The following ALPP variants were observed in gnomAD, a reference collection of about 807,000 sequenced individuals.
ALPP encodes the protein alkaline phosphatase, placental, also known as alkaline phosphatase, placental type.
Under a neutral mutation model 50.7 loss-of-function variants are expected in ALPP, and 39 were observed. The ratio of observed to expected loss-of-function variants is 0.77; its 90% CI spans 0.60 to 1.00. The LOEUF is 1.00. Among genes scored for constraint, ALPP ranks in the 50% least tolerant of loss-of-function variants. ALPP has a pLI of 0.00. For missense variants in ALPP, 550 were observed against 746.8 expected, an observed-to-expected ratio of 0.74 and a Z score of 3.07; for synonymous variants, 226 against 320.3, an observed-to-expected ratio of 0.71 and a Z score of 3.14.
rs1696686418 is a variant in ALPP at position 232,380,488 on chromosome 2, C to T, written c.861C>T (p.Leu287=). Residue 287 remains leucine, a synonymous_variant, in exon 7 of 11, where the codon CTC becomes CTT. Coordinates refer to ENST00000392027, the MANE Select transcript of ALPP (RefSeq NM_001632.5). ...QASLDPSVTH[L]MGLFEPGDMK... ...CCCTGGACCCGTCTGTGACCCATCTCATGGGTAATGACCCCCTTCCTGCCC... is the reference window on the plus strand; with the variant it reads ...CCCTGGACCCGTCTGTGACCCATCTTATGGGTAATGACCCCCTTCCTGCCC... 6.2e-7 allele frequency: 1 copy of T among 1,613,868 alleles called. No individual in the cohort carries two copies. The highest frequency in any genetic ancestry group is 8.5e-7 in the Non-Finnish European group (1 of 1,179,992).
At position 232,381,565 on chromosome 2, in the gene ALPP, G is replaced by A; in HGVS notation, c.1378G>A (p.Ala460Thr). ...AGAGACCCACGCAGGCGAGGACGTG[G>A]CGGTGTTCGCGCGCGGCCCGCAGGC... ...DEETHAGEDV[A>T]VFARGPQAHL... Residue 460 changes from alanine to threonine, a missense_variant, in exon 11 of 11, where the codon GCG becomes ACG. By Grantham distance (58) the Ala-to-Thr change is moderately conservative. Around this residue, in one of 5 missense-constraint regions of ALPP, gnomAD observed 155 missense variants for 167.6 expected, o/e 0.92. Transcript: ENST00000392027. 1 of 1,612,936 alleles carries A rather than the reference G, an allele frequency of 6.2e-7. No individual in the cohort carries two copies. Among genetic ancestry groups the A allele is most frequent in the South Asian group, 1.1e-5 (1 of 90,900 alleles).
At position 232,379,521 on chromosome 2, in the gene ALPP, T is replaced by A. The variant is rs770595893; in HGVS notation, c.318T>A (p.Asn106Lys). Residue 106 changes from asparagine (N) to lysine (K), a missense_variant, in exon 4 of 11, where the codon AAT (asparagine) becomes AAA (lysine). Physicochemically the swap from Asn to Lys is moderately conservative, Grantham distance 94. This residue lies in a region of ALPP where 376 missense variants were observed against 388.5 expected (regional missense o/e 0.97). Transcript: ENST00000392027. ...AGTGTCTCTGTCCCCAGACATACAA[T>A]GTAGACAAACATGTGCCAGACAGTG... The part of the protein sequence containing the change: ...FPYVALSKTY[N>K]VDKHVPDSGA... 2 of 1,613,882 alleles carry A rather than the reference T, an allele frequency of 1.2e-6. No individual in the cohort carries two copies. Among genetic ancestry groups the A allele is most frequent in the African/African-American group, 1.3e-5 (1 of 74,886 alleles).
chr2:232,378,883 T>C lies in ALPP; in HGVS notation c.76+5T>C. 6.2e-7 allele frequency: 1 copy of C among 1,613,624 alleles called. No homozygotes were observed. The highest frequency in any genetic ancestry group is 8.5e-7 in the Non-Finnish European group (1 of 1,179,952). Reference sequence around the variant, plus strand: ...TCTCCCTGGGCATCATCCCAGGTAATGAGGCTCCCCGAGCTGCCCCTACAC... The same window carrying C: ...TCTCCCTGGGCATCATCCCAGGTAACGAGGCTCCCCGAGCTGCCCCTACAC... On this transcript the variant is annotated splice_donor_5th_base_variant and intron_variant, in intron 1 of 10. Transcript: ENST00000392027.
chr2:232,381,609 G>A lies in ALPP; in HGVS notation c.1422G>A (p.Val474=), dbSNP rs756405636. ...CGCAGGCGCACCTGGTTCACGGCGT[G>A]CAGGAGCAGACCTTCATAGCGCACG... The part of the protein sequence containing the change: ...RGPQAHLVHG[V]QEQTFIAHVM... The change falls in exon 11 of 11, where the codon GTG becomes GTA. Residue 474 remains valine, a synonymous_variant. Coordinates refer to ENST00000392027, the MANE Select transcript of ALPP (RefSeq NM_001632.5). The A allele has an allele frequency of 5.0e-6, 8 of 1,612,664 alleles. No homozygotes were observed. The Admixed American group carries it at 1.2e-4, about 24-fold the overall frequency.
chr2:232,378,859 C>A lies in ALPP; in HGVS notation c.57C>A (p.Leu19=). ...TGCTGCTGGGCCTGAGGCTACAGCTCTCCCTGGGCATCATCCCAGGTAATG... is the reference window on the plus strand; with the variant it reads ...TGCTGCTGGGCCTGAGGCTACAGCTATCCCTGGGCATCATCCCAGGTAATG... ...LLLLLGLRLQ[L]SLGIIPVEEE... is the part of the protein sequence containing the mutation. Residue 19 remains leucine, a synonymous_variant, in exon 1 of 11, where the codon CTC becomes CTA. Coordinates refer to ENST00000392027, the MANE Select transcript of ALPP (RefSeq NM_001632.5). The A allele has an allele frequency of 1.2e-6, 2 of 1,614,060 alleles. No individual in the cohort carries two copies. The highest frequency in any genetic ancestry group is 2.2e-5 in the South Asian group (2 of 91,060).
rs1291966151 is a variant in ALPP, at chr2:232,381,877, C to A, written c.*82C>A. 1.3e-6 allele frequency: 2 copies of A among 1,488,956 alleles called. No homozygotes were observed. Among genetic ancestry groups the A allele is most frequent in the East Asian group, 4.9e-5 (2 of 40,706 alleles). The allele number at this position is 1,488,956 out of a possible 1,614,324, so 92.2% of individuals were successfully genotyped here. ...TCCTGTCGTCCTGCCTGGCCTCCAG[C>A]CCGAGTCGTCATCCCCGGAGTCCCT... On this transcript the variant is annotated 3_prime_UTR_variant, in exon 11 of 11. Transcript: ENST00000392027.
chr2:232,380,526 G>A, intron 7 of ALPP, 34 bp downstream of exon 7: 1 of 1,613,996 alleles, frequency 6.2e-7, no homozygotes, highest in Admixed American at 1.7e-5. Context: ...GCATCCCTCA[G>A]ATGGCCTCAG....
In ALPP at chr2:232,380,316, G is replaced by C. The variant is rs2853378; in HGVS notation, c.788G>C (p.Arg263Pro). ...CTGGTGCAGGAATGGCTGGCGAAGC[G>C]CCAGGTGATGGGGGCTGGCGGGTGC... ...KNLVQEWLAK[R>P]QGARYVWNRT... Residue 263 changes from arginine (R) to proline (P), a missense_variant, in exon 6 of 11, where the codon CGC (arginine) becomes CCC (proline). Around this residue, in one of 5 missense-constraint regions of ALPP, gnomAD observed 376 missense variants for 388.5 expected, o/e 0.97. Transcript: ENST00000392027. The C allele has an allele frequency of 6.2e-7, 1 of 1,607,288 alleles. No individual in the cohort carries two copies. The highest frequency in any genetic ancestry group is 1.7e-5 in the Admixed American group (1 of 59,646).
At position 232,381,830 on chromosome 2, in the gene ALPP, C is replaced by T. The variant is rs763062853; in HGVS notation, c.*35C>T. 6.5e-7 allele frequency: 1 copy of T among 1,532,366 alleles called. No individual in the cohort carries two copies. Among genetic ancestry groups the T allele is most frequent in the South Asian group, 1.2e-5 (1 of 80,964 alleles). 94.9% of individuals were successfully genotyped at this position (1,532,366 alleles called of 1,614,324 possible). On this transcript the variant is annotated 3_prime_UTR_variant, in exon 11 of 11. Transcript: ENST00000392027. ...CCCTGGGGCTCCTGCTTCCCCATCC[C>T]GGAGTTCTCCTGCTCCCCACCTCCT...
rs1696646793 is a variant in ALPP at position 232,378,870 on chromosome 2, T to G, written c.68T>G (p.Ile23Ser). 2 of 1,613,850 alleles carry G rather than the reference T, an allele frequency of 1.2e-6. No individual in the cohort carries two copies. Among genetic ancestry groups the G allele is most frequent in the Non-Finnish European group, 1.7e-6 (2 of 1,179,980 alleles). Reference protein sequence around the residue: ...LGLRLQLSLGIIPVEEENPDF... With the variant: ...LGLRLQLSLGSIPVEEENPDF... ...CTGAGGCTACAGCTCTCCCTGGGCATCATCCCAGGTAATGAGGCTCCCCGA... is the reference window on the plus strand; with the variant it reads ...CTGAGGCTACAGCTCTCCCTGGGCAGCATCCCAGGTAATGAGGCTCCCCGA... The change falls in exon 1 of 11, where the codon ATC (isoleucine) becomes AGC (serine). Residue 23 changes from isoleucine to serine, a missense_variant. Coordinates refer to ENST00000392027, the MANE Select transcript of ALPP (RefSeq NM_001632.5).
Position 232,381,688 on chromosome 2 carries a change from C to A in ALPP, c.1501C>A (p.Pro501Thr), listed in dbSNP as rs1178674235. ...CTACACCGCCTGCGACCTGGCGCCC[C>A]CCGCCGGCACCACCGACGCCGCGCA... is the stretch of plus-strand genomic sequence containing the variant. ...EPYTACDLAPPAGTTDAAHPG... is the reference protein window; with the variant it reads ...EPYTACDLAPTAGTTDAAHPG... Residue 501 changes from proline (P) to threonine (T), a missense_variant, in exon 11 of 11, where the codon CCC becomes ACC. Pro to Thr is a conservative substitution (Grantham distance 38). Coordinates refer to ENST00000392027, the MANE Select transcript of ALPP (RefSeq NM_001632.5). The A allele has an allele frequency of 1.9e-6, 3 of 1,608,794 alleles. No individual in the cohort carries two copies. The highest frequency in any genetic ancestry group is 1.7e-5 in the Admixed American group (1 of 59,772).
chr2:232,379,138 G>T (rs762716147), intron 2 of ALPP, 51 bp downstream of exon 2: 9 of 1,613,974 alleles, frequency 5.6e-6, no homozygotes, highest in Non-Finnish European at 6.8e-6. Context: ...CCCGGCGCCC[G>T]GACCCTCAGT....
In ALPP at chr2:232,378,831, T is replaced by C. The variant is rs1454928602; in HGVS notation, c.29T>C (p.Leu10Pro). 3 of 1,614,090 alleles carry C rather than the reference T, an allele frequency of 1.9e-6. No homozygotes were observed. The highest frequency in any genetic ancestry group is 2.5e-6 in the Non-Finnish European group (3 of 1,180,008). The change falls in exon 1 of 11, where the codon CTG (leucine) becomes CCG (proline). Residue 10 changes from leucine (L) to proline (P), a missense_variant. Around this residue, in one of 5 missense-constraint regions of ALPP, gnomAD observed 376 missense variants for 388.5 expected, o/e 0.97. Coordinates refer to ENST00000392027, the MANE Select transcript of ALPP (RefSeq NM_001632.5). Reference protein sequence around the residue: MLGPCMLLLLLLLGLRLQLS... With the variant: MLGPCMLLLPLLLGLRLQLS... The stretch of plus-strand genomic sequence containing the variant: ...CTGGGGCCCTGCATGCTGCTGCTGC[T>C]GCTGCTGCTGGGCCTGAGGCTACAG...
chr2:232,379,199 G>C lies in ALPP; in HGVS notation c.194-1G>C, dbSNP rs775948634. The C allele has an allele frequency of 2.5e-6, 4 of 1,614,130 alleles. No homozygotes were observed. The highest frequency in any genetic ancestry group is 2.5e-6 in the Non-Finnish European group (3 of 1,180,034). ...AGCCTCACACATTTCTGTTCCTTCAGGGATGGGGGTGTCTACGGTGACAGC... is the reference window on the plus strand; with the variant it reads ...AGCCTCACACATTTCTGTTCCTTCACGGATGGGGGTGTCTACGGTGACAGC... On this transcript the variant is annotated splice_acceptor_variant, in intron 2 of 10. Coordinates refer to ENST00000392027, the MANE Select transcript of ALPP (RefSeq NM_001632.5). LOFTEE classifies it high-confidence loss of function.
Position 232,381,361 on chromosome 2 carries a change from G to A in ALPP, c.1303G>A (p.Glu435Lys), listed in dbSNP as rs146681711. ...DGARPDVTES[E>K]SGSPEYRQQS... Reference sequence around the variant, plus strand: ...CGCCCGGCCGGATGTTACCGAGAGCGAGAGCGGTGAGTGCCGCGGGGTGGC... The same window carrying A: ...CGCCCGGCCGGATGTTACCGAGAGCAAGAGCGGTGAGTGCCGCGGGGTGGC... The change falls in exon 10 of 11, where the codon GAG (glutamate) becomes AAG (lysine). Residue 435 changes from glutamate (E) to lysine (K), a missense_variant. Glu to Lys is a moderately conservative substitution (Grantham distance 56). This residue lies in a region of ALPP where 155 missense variants were observed against 167.6 expected (regional missense o/e 0.92). Coordinates refer to ENST00000392027, the MANE Select transcript of ALPP (RefSeq NM_001632.5). 8.0e-5 allele frequency: 129 copies of A among 1,614,178 alleles called. No individual in the cohort carries two copies. In the East Asian group the frequency reaches 2.3e-3, roughly 28 times the overall value.
chr2:232,379,729 C>A (rs146262447), intron 4 of ALPP, 35 bp from the exon 5 acceptor site: 8 of 1,613,974 alleles, frequency 5.0e-6, no homozygotes, highest in South Asian at 3.3e-5. Context: ...AGGTCACAGA[C>A]GTTGGTCACA....
At chr2:232,380,048 G>C (rs1441625990) in intron 5 of ALPP, 112 bp downstream of exon 5, 1 of 1,564,940 alleles carries the variant, frequency 6.4e-7, no homozygotes, top group African/African-American at 1.4e-5. Context: ...TCTGGAGGTG[G>C]GGTTGTGGGC....
In ALPP at chr2:232,382,123, G is replaced by A. The variant is rs1261914742; in HGVS notation, c.*328G>A. On this transcript the variant is annotated 3_prime_UTR_variant, in exon 11 of 11. Coordinates refer to ENST00000392027, the MANE Select transcript of ALPP (RefSeq NM_001632.5). ...GTACCAGGCAGGCTCCCTTCCTGGG[G>A]AAAAGAAGCACCCAGACCCCGCGCC... 3 of 467,442 alleles carry A rather than the reference G, an allele frequency of 6.4e-6. No homozygotes were observed. The highest frequency in any genetic ancestry group is 1.1e-5 in the Non-Finnish European group (3 of 264,234). 29.0% of individuals were successfully genotyped at this position (467,442 alleles called of 1,614,324 possible).
intron 10 of ALPP, 64 bp from the exon 11 acceptor site, chr2:232,381,433 G>C (rs1696709610): frequency 6.2e-7 from 1 of 1,612,392 alleles, no homozygotes; most frequent in Admixed American, 1.7e-5. Flanking sequence ...TGGCGGGAAG[G>C]GGTCACCTCC....
Sources: gnomAD v4.1 joint callset for allele counts on GRCh38, gnomAD v4.1.1 for gene constraint, gnomAD v4.1.1 regional missense constraint, MANE v1.5 for transcripts, NCBI Gene and HGNC (gene_info 2026-07-23, HGNC 2026-07-21) for gene names.